Variants in ADAM17 observed in about 807,000 individuals in gnomAD.
ADAM17 encodes disintegrin and metalloproteinase domain-containing protein 17.
Under a neutral mutation model 96.7 loss-of-function variants are expected in ADAM17, and 39 were observed. That is an observed-to-expected ratio of 0.40 (90% confidence interval 0.31 to 0.53). The LOEUF is 0.53. ADAM17 is among the 20% of genes least tolerant of loss of function. ADAM17 has a pLI of 0.44. For missense variants in ADAM17, 777 were observed against 1,013.2 expected (o/e 0.77, Z 3.17); for synonymous variants, 344 against 359.2 (o/e 0.96, Z 0.48).
chr2:9,529,991 C>A (rs1179261802), intron 4 of ADAM17, among the ~76,000 whole-genome samples: 1 of 151,910 alleles, frequency 6.6e-6, no homozygotes, highest in Non-Finnish European at 1.5e-5. Flanking sequence ...CACACACACA[C>A]AAAACTACAA....
intron 18 of ADAM17, 57 bp downstream of exon 18, chr2:9,491,044 G>C: frequency 6.6e-7 from 1 of 1,509,568 alleles, no homozygotes; most frequent in Non-Finnish European, 9.1e-7. Context: ...GAAGGTCTTT[G>C]CCTAACAGGG....
At chr2:9,525,749 T>C (rs192173553) in intron 6 of ADAM17, among the ~76,000 whole-genome samples, 65 of 152,182 alleles carry the variant, frequency 4.3e-4, no homozygotes, top group African/African-American at 1.5e-3. Flanking sequence ...AAGAAAAACA[T>C]GGGTTCATGC....
chr2:9,493,630 T>A, intron 16 of ADAM17, 117 bp downstream of exon 16: 1 of 814,180 alleles, frequency 1.2e-6, no homozygotes, highest in Non-Finnish European at 1.9e-6. Flanking sequence ...ACTAAAGCTG[T>A]GAATAGTTCC....
At chr2:9,504,832 A>G (rs1309461355) in intron 12 of ADAM17, among the ~76,000 whole-genome samples, 1 of 151,202 alleles carries the variant, frequency 6.6e-6, no homozygotes, top group African/African-American at 2.4e-5. Flanking sequence ...AAGGTCAAGG[A>G]TTTTGTTACA....
chr2:9,526,067 C>T (rs1300063192), intron 6 of ADAM17, 44 bp downstream of exon 6: 1 of 1,544,020 alleles, frequency 6.5e-7, no homozygotes, highest in Non-Finnish European at 8.8e-7. Context: ...ATGTACCCAC[C>T]CAAATTTTTT....
At chr2:9,553,685 AAAAAAG>A (rs1467706263) in intron 1 of ADAM17, among the ~76,000 whole-genome samples, 4 of 151,270 alleles carry the variant, frequency 2.6e-5, no homozygotes, top group African/African-American at 7.3e-5. Context: ...CAAAAAAAAA[AAAAAAG>A]AAAGAAAAAG....
chr2:9,518,258 CCAA>C lies in ADAM17; in HGVS notation c.958-14_958-12del. On this transcript the variant is annotated splice_polypyrimidine_tract_variant and intron_variant, in intron 8 of 18. Transcript: ENST00000310823. ...ATCAAAGCTAAATTGCTTTGAAAGA[CCAA>C]AAAAAAAAAAAAAAAAAAAAGCATT... The C allele has an allele frequency of 4.4e-5, 30 of 683,858 alleles. No homozygotes were observed. The highest frequency in any genetic ancestry group is 3.3e-4 in the South Asian group (5 of 14,996). 42.4% of individuals were successfully genotyped at this position (683,858 alleles called of 1,614,324 possible).
rs1429312784 is a variant in ADAM17 at position 9,546,723 on chromosome 2, T to TTTTTTTC, written c.98-3439_98-3438insGAAAAAA. On this transcript the variant is annotated intron_variant, in intron 1 of 18. Transcript: ENST00000310823. Reference sequence around the variant, plus strand: ...CAGTGTCTGGCCATATTCTTTTTTTTTTTTTGAAATGGAGTCTCACTCTGT... The same window carrying TTTTTTTC: ...CAGTGTCTGGCCATATTCTTTTTTTTTTTTTTCTTTTTGAAATGGAGTCTCACTCTGT... 2.5e-3 allele frequency among the ~76,000 whole-genome samples: 376 copies of TTTTTTTC among 150,818 alleles called. 3 individuals are homozygous for TTTTTTTC. The highest frequency in any genetic ancestry group is 4.1e-3 in the Non-Finnish European group (275 of 67,628).
Position 9,505,351 on chromosome 2 carries a change from G to C in ADAM17, c.1359C>G (p.Cys453Trp). ...TGGTCTTATAGATTGATTGTTTACT[G>C]CAGTTTGAAAACATCTTGAGAGAAA... Reference protein sequence around the residue: ...DHENNKMFSNCSKQSIYKTIE... With the variant: ...DHENNKMFSNWSKQSIYKTIE... The change falls in exon 12 of 19, where the codon TGC becomes TGG. Residue 453 changes from cysteine (C) to tryptophan (W), a missense_variant. Physicochemically the swap from Cys to Trp is radical, Grantham distance 215 (BLOSUM62 -2). Coordinates refer to ENST00000310823, the MANE Select transcript of ADAM17 (RefSeq NM_003183.6). 6.2e-7 allele frequency: 1 copy of C among 1,613,904 alleles called. No homozygotes were observed. The highest frequency in any genetic ancestry group is 8.5e-7 in the Non-Finnish European group (1 of 1,179,876).
At chr2:9,507,447 A>G (rs559112376) in intron 11 of ADAM17, among the ~76,000 whole-genome samples, 41 of 152,288 alleles carry the variant, frequency 2.7e-4, no homozygotes, top group African/African-American at 9.1e-4. Flanking sequence ...GGTTGCAGTG[A>G]GCAGAGATCA....
intron 6 of ADAM17, among the ~76,000 whole-genome samples, chr2:9,523,805 A>G (rs144555098): frequency 4.6e-5 from 7 of 152,264 alleles, no homozygotes; most frequent in Admixed American, 4.6e-4. Flanking sequence ...AGCCTACTCA[A>G]CATGAAGACC....
At chr2:9,510,422 T>A (rs1336117615) in intron 10 of ADAM17, among the ~76,000 whole-genome samples, 1 of 152,066 alleles carries the variant, frequency 6.6e-6, no homozygotes. Context: ...TCCCAGCACT[T>A]TGGGAGGCTG....
At chr2:9,520,598 G>T (rs1030211668) in intron 8 of ADAM17, among the ~76,000 whole-genome samples, 3 of 152,080 alleles carry the variant, frequency 2.0e-5, no homozygotes, top group African/African-American at 7.2e-5. Context: ...TCTATATATT[G>T]GGTATCCATG....
At chr2:9,525,685 C>T (rs1356877015) in intron 6 of ADAM17, among the ~76,000 whole-genome samples, 2 of 152,130 alleles carry the variant, frequency 1.3e-5, no homozygotes, top group African/African-American at 4.8e-5. Flanking sequence ...ATGATTAGGT[C>T]TTTAACATGA....
chr2:9,527,781 C>T lies in ADAM17; in HGVS notation c.619+5G>A. 1 of 1,555,874 alleles carries T rather than the reference C, an allele frequency of 6.4e-7. No homozygotes were observed. The highest frequency in any genetic ancestry group is 8.7e-7 in the Non-Finnish European group (1 of 1,154,784). On this transcript the variant is annotated splice_donor_5th_base_variant and intron_variant, in intron 5 of 18. Coordinates refer to ENST00000310823, the MANE Select transcript of ADAM17 (RefSeq NM_003183.6). ...CTTATTTGAAATACACTCTTTAAGTCTTACCTTCAGGTGGTTCTCTGTCTA... is the reference window on the plus strand; with the variant it reads ...CTTATTTGAAATACACTCTTTAAGTTTTACCTTCAGGTGGTTCTCTGTCTA...
chr2:9,490,105 G>A lies in ADAM17; in HGVS notation c.*72C>T. 2 of 1,327,804 alleles carry A rather than the reference G, an allele frequency of 1.5e-6. No homozygotes were observed. The highest frequency in any genetic ancestry group is 2.0e-6 in the Non-Finnish European group (2 of 981,686). The allele number at this position is 1,327,804 out of a possible 1,614,324, so 82.3% of individuals were successfully genotyped here. A position where few individuals can be genotyped will look rare whatever the true frequency, so the allele number is the denominator to read the frequency against. The stretch of plus-strand genomic sequence containing the variant: ...ACTTCCCAGTCTTCACAAAATACAA[G>A]CTGTGATTGATTTGTAGGTCAAATC... On this transcript the variant is annotated 3_prime_UTR_variant, in exon 19 of 19. Transcript: ENST00000310823.
At chr2:9,539,731 C>T (rs1179171784) in intron 2 of ADAM17, among the ~76,000 whole-genome samples, 4 of 152,124 alleles carry the variant, frequency 2.6e-5, no homozygotes, top group East Asian at 1.9e-4. Context: ...ACTTTAATGA[C>T]GCAATATGAT....
chr2:9,534,489 C>T (rs1371804537), intron 4 of ADAM17, among the ~76,000 whole-genome samples: 1 of 152,136 alleles, frequency 6.6e-6, no homozygotes, highest in Non-Finnish European at 1.5e-5. Context: ...GAGCCAAGAT[C>T]ACGCCATTGC....
At chr2:9,535,473 T>C (rs1291016717) in intron 4 of ADAM17, among the ~76,000 whole-genome samples, 2 of 152,206 alleles carry the variant, frequency 1.3e-5, no homozygotes, top group African/African-American at 4.8e-5. Context: ...GCATTTCCAG[T>C]GTGTCTAGCA....
Sources: gnomAD v4.1 joint callset for allele counts (sites outside exome capture counted in the v4.1 genomes callset) on GRCh38, gnomAD v4.1.1 for gene constraint, MANE v1.5 for transcripts, NCBI Gene and HGNC (gene_info 2026-07-23, HGNC 2026-07-21) for gene names.